TACC2: variants seen among roughly 807,000 people sequenced by gnomAD.
TACC2 encodes the protein transforming acidic coiled-coil containing protein 2.
In TACC2, 137 loss-of-function variants were observed where a neutral mutation model predicts 227.3. That is an observed-to-expected ratio of 0.60 (90% CI 0.52 to 0.69). The LOEUF (loss-of-function observed/expected upper bound fraction) is 0.69, where lower values mean the gene tolerates loss of function less well. Ranked by LOEUF, TACC2 falls within the 30% of genes least tolerant of loss-of-function variation. TACC2 has a pLI of 0.00. For synonymous variants in TACC2, 1,523 were observed against 1,487.5 expected (o/e 1.02, Z -0.55); for missense variants, 3,470 against 3,694.4 (o/e 0.94, Z 1.57).
At chr10:122,191,744 A>C (rs1176859671) in intron 7 of TACC2, among the ~76,000 whole-genome samples, 1 of 152,224 alleles carries the variant, frequency 6.6e-6, no homozygotes, top group Non-Finnish European at 1.5e-5. Flanking sequence ...TAATTTAGAG[A>C]TATTTCAGCA....
chr10:122,215,493 G>T (rs182738208), intron 10 of TACC2, 42 bp downstream of exon 10: 126 of 1,551,456 alleles, frequency 8.1e-5, no homozygotes, highest in South Asian at 2.7e-4. Flanking sequence ...TGCCCCCCCC[G>T]GGGGAGGTTT....
chr10:122,110,778 A>G (rs2083492091), intron 5 of TACC2, among the ~76,000 whole-genome samples: 1 of 151,848 alleles, frequency 6.6e-6, no homozygotes, highest in South Asian at 2.1e-4. Context: ...TGTGATTGCC[A>G]TAATAAATTA....
intron 7 of TACC2, among the ~76,000 whole-genome samples, chr10:122,155,174 A>G (rs1435841470): frequency 1.3e-5 from 2 of 152,190 alleles, no homozygotes; most frequent in African/African-American, 4.8e-5. Context: ...CCACCGGGCC[A>G]CTGAGGGGAG....
At chr10:122,126,240 C>T (rs1330429590) in intron 5 of TACC2, among the ~76,000 whole-genome samples, 1 of 151,712 alleles carries the variant, frequency 6.6e-6, no homozygotes, top group Non-Finnish European at 1.5e-5. Context: ...CCTTCTTCCC[C>T]ATTTGTTCAT....
At chr10:122,235,754 C>G (rs1382890909) in intron 16 of TACC2, among the ~76,000 whole-genome samples, 10 of 152,144 alleles carry the variant, frequency 6.6e-5, no homozygotes, top group African/African-American at 2.4e-4. Context: ...GTCAGCCTGC[C>G]TCTGCTGAGG....
At chr10:122,037,007 A>G (rs557400480) in intron 2 of TACC2, among the ~76,000 whole-genome samples, 14 of 152,100 alleles carry the variant, frequency 9.2e-5, no homozygotes, top group Non-Finnish European at 2.1e-4. Flanking sequence ...GGTGTGAAGT[A>G]GTGTCATTGT....
At chr10:122,201,355 CTGCCCACAGT>C (rs1373702631) in intron 8 of TACC2, among the ~76,000 whole-genome samples, 1 of 149,496 alleles carries the variant, frequency 6.7e-6, no homozygotes, top group Admixed American at 6.6e-5. Context: ...GCCACCTCAC[CTGCCCACAGT>C]GGCTGCATTC....
chr10:122,099,257 A>G (rs548155073), intron 5 of TACC2, among the ~76,000 whole-genome samples: 10 of 152,342 alleles, frequency 6.6e-5, no homozygotes, highest in African/African-American at 2.4e-4. Context: ...AAACATACAC[A>G]TGGCCAGAGT....
intron 7 of TACC2, among the ~76,000 whole-genome samples, chr10:122,155,234 A>G (rs1592693200): frequency 6.6e-6 from 1 of 152,360 alleles, no homozygotes; most frequent in East Asian, 1.9e-4. Context: ...CTGCCTCTCC[A>G]GTCCGGCCTC....
chr10:122,067,443 T>A (rs1219988496), intron 3 of TACC2, among the ~76,000 whole-genome samples: 1 of 152,104 alleles, frequency 6.6e-6, no homozygotes, highest in African/African-American at 2.4e-5. Context: ...GTTTCACTTT[T>A]TCACTGGTTT....
chr10:122,120,223 G>A (rs543066048), intron 5 of TACC2, among the ~76,000 whole-genome samples: 204 of 152,278 alleles, frequency 1.3e-3, no homozygotes, highest in Non-Finnish European at 2.2e-3. Flanking sequence ...CTCCCAACCA[G>A]AAGCTGCCCT....
At chr10:122,056,439 T>C (rs2076219756) in intron 3 of TACC2, among the ~76,000 whole-genome samples, 1 of 152,214 alleles carries the variant, frequency 6.6e-6, no homozygotes, top group African/African-American at 2.4e-5. Context: ...CCTCCCAAAG[T>C]GCTGGGATTA....
At chr10:122,004,763 A>G (rs1031867561) in intron 1 of TACC2, among the ~76,000 whole-genome samples, 3 of 152,222 alleles carry the variant, frequency 2.0e-5, no homozygotes, top group African/African-American at 7.2e-5. Flanking sequence ...CTGGCTCTAC[A>G]TGTATTAAAC....
chr10:122,096,287 G>A (rs992350484), intron 5 of TACC2, among the ~76,000 whole-genome samples: 5 of 152,184 alleles, frequency 3.3e-5, no homozygotes, highest in African/African-American at 9.7e-5. Context: ...CTGCGCACCC[G>A]TATCTGAGCT....
At chr10:122,013,095 C>T (rs575140113) in intron 1 of TACC2, among the ~76,000 whole-genome samples, 10 of 152,150 alleles carry the variant, frequency 6.6e-5, no homozygotes, top group African/African-American at 1.7e-4. Context: ...CAGCCTCTCA[C>T]GAGCAGAGGG....
At chr10:122,143,132 C>T (rs2090878036) in intron 6 of TACC2, among the ~76,000 whole-genome samples, 1 of 152,188 alleles carries the variant, frequency 6.6e-6, no homozygotes, top group Admixed American at 6.5e-5. Flanking sequence ...GGATTTTTCT[C>T]AGCCTTGGGA....
intron 5 of TACC2, among the ~76,000 whole-genome samples, chr10:122,130,343 G>T (rs1592360097): frequency 6.6e-6 from 1 of 152,004 alleles, no homozygotes; most frequent in East Asian, 1.9e-4. Flanking sequence ...ACATTTTGCA[G>T]GTCCTCTAGA....
chr10:122,098,734 C>A (rs1050296222), intron 5 of TACC2, among the ~76,000 whole-genome samples: 2 of 152,184 alleles, frequency 1.3e-5, no homozygotes, highest in Non-Finnish European at 2.9e-5. Context: ...TAAGACTATT[C>A]TTAAGGTAGA....
At chr10:122,148,900 G>T (rs768600152) in intron 7 of TACC2, among the ~76,000 whole-genome samples, 47 of 152,210 alleles carry the variant, frequency 3.1e-4, no homozygotes, top group Non-Finnish European at 4.6e-4. Flanking sequence ...TCAAGTCTCT[G>T]CCTCCTATCC....
Sources: gnomAD v4.1 joint callset for allele counts (sites outside exome capture counted in the v4.1 genomes callset) on GRCh38, gnomAD v4.1.1 for gene constraint, MANE v1.5 for transcripts, NCBI Gene and HGNC (gene_info 2026-07-23, HGNC 2026-07-21) for gene names.